Variants in EHBP1 observed in about 807,000 individuals in gnomAD.
EHBP1 encodes the protein EH domain binding protein 1.
In EHBP1, 55 loss-of-function variants were observed where a neutral mutation model predicts 144.0. The observed-to-expected ratio is 0.38, with a 90% CI of 0.31 to 0.48. The LOEUF (loss-of-function observed/expected upper bound fraction) is 0.48. EHBP1 is among the 20% of genes least tolerant of loss of function. The pLI, the probability that EHBP1 is intolerant of heterozygous loss-of-function variation, is 0.98. For synonymous variants in EHBP1, 469 were observed against 472.7 expected (o/e 0.99, Z 0.10); for missense variants, 1,200 against 1,364.2 (o/e 0.88, Z 1.90).
At chr2:62,937,139 G>T (rs545494605) in intron 10 of EHBP1, among the ~76,000 whole-genome samples, 2 of 152,278 alleles carry the variant, frequency 1.3e-5, no homozygotes, top group South Asian at 4.1e-4. Context: ...AGAGGGCAGC[G>T]ATCTAACCTC....
At chr2:62,882,978 T>TAC (rs1481858036) in intron 10 of EHBP1, among the ~76,000 whole-genome samples, 2 of 151,848 alleles carry the variant, frequency 1.3e-5, no homozygotes, top group Non-Finnish European at 2.9e-5. Context: ...CAACTGAGGA[T>TAC]ACACACACAC....
At chr2:62,700,762 T>G (rs558214154), upstream of EHBP1, among the ~76,000 whole-genome samples, 2 of 152,206 alleles carry the variant, frequency 1.3e-5, no homozygotes, top group Non-Finnish European at 2.9e-5. Flanking sequence ...ACTAGCCACA[T>G]TTTGCATGTC....
chr2:62,677,500 C>T (rs1460360720), intron 1 of EHBP1, among the ~76,000 whole-genome samples: 1 of 151,992 alleles, frequency 6.6e-6, no homozygotes, highest in South Asian at 2.1e-4. Context: ...ACAAACAATC[C>T]AATTATACTC....
intron 10 of EHBP1, among the ~76,000 whole-genome samples, chr2:62,918,976 T>C (rs1156962331): frequency 2.6e-5 from 4 of 152,124 alleles, no homozygotes; most frequent in African/African-American, 4.8e-5. Flanking sequence ...ATAGTAATTG[T>C]AGTCAATTTT....
intron 1 of EHBP1, among the ~76,000 whole-genome samples, chr2:62,682,861 AC>A: frequency 1.3e-5 from 2 of 152,298 alleles, no homozygotes; most frequent in Middle Eastern, 6.8e-3. Flanking sequence ...CCCTCCACTC[AC>A]TGACATTGAA....
At chr2:63,030,465 A>G (rs1444140530) in intron 19 of EHBP1, among the ~76,000 whole-genome samples, 1 of 151,984 alleles carries the variant, frequency 6.6e-6, no homozygotes, top group East Asian at 1.9e-4. Context: ...TTAACCTAGA[A>G]ATATTGCTTT....
chr2:62,805,340 G>T lies in EHBP1; in HGVS notation c.313-20747G>T, dbSNP rs1179283696. ...TTAATTTAAAAAGCAGTTTGCAAAA[G>T]AATGTATCCAATATATGATCCAGTT... On this transcript the variant is annotated intron_variant, in intron 5 of 22. Coordinates refer to ENST00000431489, the MANE Select transcript of EHBP1 (RefSeq NM_001142616.3). Among the ~76,000 whole-genome samples the T allele has an allele frequency of 4.3e-4, 66 of 151,848 alleles. 1 individual carries two copies. Among genetic ancestry groups the T allele is most frequent in the Non-Finnish European group, 1.5e-5 (1 of 67,926 alleles).
intron 2 of EHBP1, among the ~76,000 whole-genome samples, chr2:62,716,901 A>C (rs934329220): frequency 2.6e-5 from 4 of 152,122 alleles, no homozygotes; most frequent in African/African-American, 9.7e-5. Flanking sequence ...ACAATTTATG[A>C]TGTTTCTCTA....
At chr2:62,890,747 C>G (rs1331660243) in intron 10 of EHBP1, among the ~76,000 whole-genome samples, 1 of 152,034 alleles carries the variant, frequency 6.6e-6, no homozygotes, top group African/African-American at 2.4e-5. Context: ...GGCAGTCAGG[C>G]AAGAGAAAGA....
intron 2 of EHBP1, among the ~76,000 whole-genome samples, chr2:62,734,894 C>A (rs2037968824): frequency 6.6e-6 from 1 of 152,066 alleles, no homozygotes; most frequent in Non-Finnish European, 1.5e-5. Context: ...GTGCATGGCC[C>A]TTCCATGGGT....
At chr2:63,019,460 C>T (rs988531883) in intron 19 of EHBP1, among the ~76,000 whole-genome samples, 1 of 152,156 alleles carries the variant, frequency 6.6e-6, no homozygotes, top group Non-Finnish European at 1.5e-5. Context: ...TCTGTAATCC[C>T]AGCACTGGGA....
At chr2:62,972,923 A>G (rs2058560197) in intron 14 of EHBP1, among the ~76,000 whole-genome samples, 1 of 152,240 alleles carries the variant, frequency 6.6e-6, no homozygotes, top group Admixed American at 6.5e-5. Flanking sequence ...ATAAACAGAA[A>G]GTCCCATTAG....
At chr2:62,728,948 A>G (rs534671479) in intron 2 of EHBP1, among the ~76,000 whole-genome samples, 1 of 152,008 alleles carries the variant, frequency 6.6e-6, no homozygotes, top group African/African-American at 2.4e-5. Flanking sequence ...GTATGGTGTA[A>G]GGAAGGTGTC....
intron 2 of EHBP1, among the ~76,000 whole-genome samples, chr2:62,746,915 A>G (rs2039216701): frequency 6.6e-6 from 1 of 152,030 alleles, no homozygotes; most frequent in Admixed American, 6.6e-5. Flanking sequence ...TTTTTAATGA[A>G]GATTGAGATG....
intron 19 of EHBP1, among the ~76,000 whole-genome samples, chr2:63,029,666 G>C (rs1485178270): frequency 6.6e-6 from 1 of 152,142 alleles, no homozygotes; most frequent in Non-Finnish European, 1.5e-5. Flanking sequence ...CTGAGGTTTA[G>C]AGAGTTTCAA....
intron 2 of EHBP1, among the ~76,000 whole-genome samples, chr2:62,717,760 TA>T (rs930029765): frequency 1.1e-4 from 17 of 152,328 alleles, no homozygotes; most frequent in African/African-American, 4.1e-4. Context: ...ACAAACACTT[TA>T]AAATTTGATA....
At chr2:62,910,490 C>G (rs1354996752) in intron 10 of EHBP1, among the ~76,000 whole-genome samples, 1 of 151,904 alleles carries the variant, frequency 6.6e-6, no homozygotes, top group Non-Finnish European at 1.5e-5. Flanking sequence ...TGAGTTCTTC[C>G]TTTCTGGCAG....
intron 2 of EHBP1, among the ~76,000 whole-genome samples, chr2:62,728,011 A>C (rs1403833760): frequency 6.6e-6 from 1 of 152,188 alleles, no homozygotes; most frequent in Non-Finnish European, 1.5e-5. Flanking sequence ...AAGCCTGTGA[A>C]GGGTAGGGTA....
intron 9 of EHBP1, among the ~76,000 whole-genome samples, chr2:62,869,860 C>T (rs115232376): frequency 1.1e-4 from 16 of 152,208 alleles, no homozygotes; most frequent in African/African-American, 1.7e-4. Context: ...TATTATATCA[C>T]GTGAGTGATA....
Sources: gnomAD v4.1 joint callset for allele counts (sites outside exome capture counted in the v4.1 genomes callset) on GRCh38, gnomAD v4.1.1 for gene constraint, MANE v1.5 for transcripts, NCBI Gene and HGNC (gene_info 2026-07-23, HGNC 2026-07-21) for gene names.